The following KALRN variants were observed in gnomAD, a reference collection of about 807,000 sequenced individuals.
KALRN encodes the protein kalirin.
Under a neutral mutation model 353.7 loss-of-function variants are expected in KALRN, and 70 were observed. The ratio of observed to expected loss-of-function variants is 0.20; its 90% CI spans 0.16 to 0.24. KALRN has a LOEUF of 0.24. Among genes scored for constraint, KALRN ranks in the 10% least tolerant of loss-of-function variants. KALRN has a pLI of 1.00. For synonymous variants in KALRN, 1,391 were observed against 1,434.8 expected (o/e 0.97, Z 0.69); for missense variants, 2,791 against 3,756.7 (o/e 0.74, Z 6.72).
chr3:124,717,618 C>A (rs2063205575), intron 59 of KALRN, among the ~76,000 whole-genome samples: 1 of 151,728 alleles, frequency 6.6e-6, no homozygotes, highest in South Asian at 2.1e-4. Context: ...ATGGCATGAA[C>A]CTGGGAGGCG....
intron 10 of KALRN, among the ~76,000 whole-genome samples, chr3:124,379,867 C>T (rs78243875): frequency 0.12 from 17,695 of 152,238 alleles, 1,274 homozygotes; most frequent in Non-Finnish European, 0.16. Flanking sequence ...TGGGTGTTAT[C>T]TTGATTGCTG....
chr3:124,617,320 T>C (rs1438256839), intron 34 of KALRN, among the ~76,000 whole-genome samples: 1 of 152,100 alleles, frequency 6.6e-6, no homozygotes, highest in African/African-American at 2.4e-5. Flanking sequence ...GGTGACAGAG[T>C]GAGACCCTGT....
At chr3:124,351,576 G>A in intron 10 of KALRN, among the ~76,000 whole-genome samples, 1 of 152,152 alleles carries the variant, frequency 6.6e-6, no homozygotes. Flanking sequence ...CTCAACAGAG[G>A]GAATGGCTAC....
chr3:124,056,232 A>T (rs1487323872), intron 1 of KALRN, among the ~76,000 whole-genome samples: 2 of 152,060 alleles, frequency 1.3e-5, no homozygotes, highest in East Asian at 3.8e-4. Context: ...TTTTGAAAGG[A>T]AATTTGTTTG....
intron 1 of KALRN, among the ~76,000 whole-genome samples, chr3:124,119,168 T>G (rs1028217732): frequency 6.6e-6 from 1 of 151,512 alleles, no homozygotes; most frequent in African/African-American, 2.4e-5. Flanking sequence ...CAACAGGGAG[T>G]GGAAGCTGAC....
chr3:124,434,532 G>T lies in KALRN; in HGVS notation c.3048+7G>T, dbSNP rs373719806. The T allele has an allele frequency of 2.0e-5, 33 of 1,613,492 alleles. No individual in the cohort carries two copies. Among genetic ancestry groups the T allele is most frequent in the Non-Finnish European group, 2.8e-5 (33 of 1,179,632 alleles). On this transcript the variant is annotated splice_region_variant and intron_variant, in intron 17 of 59. Transcript: ENST00000682506. ...TTACAAAACTTCTGAACAGGTGAGG[G>T]AAAAGACTGTGGGGCTTGTGGGGCT...
chr3:124,339,352 C>G (rs532428813), intron 9 of KALRN, among the ~76,000 whole-genome samples: 1 of 152,302 alleles, frequency 6.6e-6, no homozygotes, highest in Middle Eastern at 3.4e-3. Flanking sequence ...GATTGCAGCT[C>G]TCAGTGGAAG....
At chr3:124,114,301 T>A (rs904944041) in intron 1 of KALRN, among the ~76,000 whole-genome samples, 6 of 152,318 alleles carry the variant, frequency 3.9e-5, no homozygotes, top group African/African-American at 1.2e-4. Context: ...GGGGATACCA[T>A]GAGCTCTTTT....
At chr3:124,324,788 C>G (rs1360764236) in intron 6 of KALRN, among the ~76,000 whole-genome samples, 1 of 152,206 alleles carries the variant, frequency 6.6e-6, no homozygotes, top group African/African-American at 2.4e-5. Context: ...AAATAAAGAA[C>G]CTTCATTAAA....
intron 2 of KALRN, among the ~76,000 whole-genome samples, chr3:124,231,734 T>C (rs2079181621): frequency 6.6e-6 from 1 of 152,166 alleles, no homozygotes; most frequent in South Asian, 2.1e-4. Context: ...AATCTGGCAT[T>C]TTCCAAACTA....
At chr3:124,071,328 A>C (rs2060008621) in intron 1 of KALRN, among the ~76,000 whole-genome samples, 1 of 152,178 alleles carries the variant, frequency 6.6e-6, no homozygotes, top group African/African-American at 2.4e-5. Flanking sequence ...GAAAGGAAGT[A>C]GTTACTCCCG....
Position 124,713,090 on chromosome 3 carries a change from A to G in KALRN, c.8231A>G (p.His2744Arg), listed in dbSNP as rs2062968838. The G allele has an allele frequency of 2.5e-6, 4 of 1,614,080 alleles. No individual in the cohort carries two copies. Among genetic ancestry groups the G allele is most frequent in the Non-Finnish European group, 3.4e-6 (4 of 1,179,962 alleles). Residue 2744 changes from histidine (H) to arginine (R), a missense_variant, in exon 58 of 60, where the codon CAT becomes CGT. Physicochemically the swap from His to Arg is conservative, Grantham distance 29. Transcript: ENST00000682506. ...HLQHPQYITL[H>R]DTYESPTSYI... ...CAGCACCCCCAGTACATCACTCTCC[A>G]TGACACCTATGAGTCCCCCACATCC... is the stretch of plus-strand genomic sequence containing the variant.
intron 5 of KALRN, among the ~76,000 whole-genome samples, chr3:124,282,186 G>A (rs975605212): frequency 1.1e-4 from 16 of 152,134 alleles, no homozygotes; most frequent in African/African-American, 3.6e-4. Context: ...CAAGGCCTTC[G>A]TGTTAGGAGG....
chr3:124,054,153 T>C (rs2041303451), intron 1 of KALRN, among the ~76,000 whole-genome samples: 1 of 152,134 alleles, frequency 6.6e-6, no homozygotes, highest in South Asian at 2.1e-4. Context: ...TGGCTGCATA[T>C]GAGAGGCTTG....
At chr3:124,430,806 C>A in intron 16 of KALRN, 31 bp downstream of exon 16, 2 of 1,606,416 alleles carry the variant, frequency 1.2e-6, no homozygotes, top group Admixed American at 1.7e-5. Context: ...CACTGTCCTC[C>A]CTTCGCCTTT....
At chr3:124,299,058 G>T (rs768188927) in intron 6 of KALRN, 145 bp downstream of exon 6, 96 of 1,073,932 alleles carry the variant, frequency 8.9e-5, no homozygotes, top group Non-Finnish European at 1.2e-4. Flanking sequence ...GAATGGGGAT[G>T]AGTGCAGGGC....
chr3:124,501,215 C>A (rs975052415), intron 33 of KALRN, among the ~76,000 whole-genome samples: 4 of 152,102 alleles, frequency 2.6e-5, no homozygotes, highest in African/African-American at 9.7e-5. Context: ...TGGTACTCTT[C>A]TCTGAAAAAA....
intron 1 of KALRN, among the ~76,000 whole-genome samples, chr3:124,196,845 A>G (rs980893501): frequency 3.9e-5 from 6 of 152,206 alleles, no homozygotes; most frequent in Non-Finnish European, 7.3e-5. Context: ...CTTGTTCTAC[A>G]GTTATCTAGG....
At chr3:124,235,865 A>G (rs1012672394) in intron 3 of KALRN, among the ~76,000 whole-genome samples, 7 of 152,246 alleles carry the variant, frequency 4.6e-5, no homozygotes, top group African/African-American at 1.7e-4. Flanking sequence ...AGTGAATTAC[A>G]GGGAGGAGCT....
Sources: gnomAD v4.1 joint callset for allele counts (sites outside exome capture counted in the v4.1 genomes callset) on GRCh38, gnomAD v4.1.1 for gene constraint, MANE v1.5 for transcripts, NCBI Gene and HGNC (gene_info 2026-07-23, HGNC 2026-07-21) for gene names.